EVL: variants seen among roughly 807,000 people sequenced by gnomAD.
The protein encoded by EVL is Enah/Vasp-like.
A neutral mutation model predicts 59.6 loss-of-function variants in EVL; 21 were observed. That is an observed-to-expected ratio of 0.35 (90% CI 0.25 to 0.51). EVL has a LOEUF of 0.51. EVL is among the 20% of genes least tolerant of loss of function. The pLI is 0.97. For missense variants in EVL, 462 were observed against 546.6 expected (o/e 0.85, Z 1.54); for synonymous variants, 198 against 203.5 (o/e 0.97, Z 0.23).
rs965005389 is a variant in EVL at position 100,108,469 on chromosome 14, GC to G, written c.358+10813del. ...AGGGGAACAGGACGGCAAGCCCCTGGCCTCCTGCCTGCTCCCAGCTGCCCTC... is the reference window on the plus strand; with the variant it reads ...AGGGGAACAGGACGGCAAGCCCCTGGCTCCTGCCTGCTCCCAGCTGCCCTC... On this transcript the variant is annotated intron_variant, in intron 3 of 13. Transcript: ENST00000392920. The surrounding 1 kb of genome is among the most constrained non-coding windows in gnomAD (Gnocchi z 4.1). 3.5e-4 allele frequency among the ~76,000 whole-genome samples: 53 copies of G among 152,164 alleles called. No individual in the cohort carries two copies. The highest frequency in any genetic ancestry group is 1.1e-3 in the African/African-American group (47 of 41,440).
intron 1 of EVL, among the ~76,000 whole-genome samples, chr14:100,000,004 G>T (rs1037558364): frequency 3.9e-5 from 6 of 152,112 alleles, no homozygotes; most frequent in Non-Finnish European, 8.8e-5. Context: ...TGGCATTTTT[G>T]GTTATTTCAC....
chr14:100,124,470 C>G (rs755076382), intron 4 of EVL, among the ~76,000 whole-genome samples: 8 of 152,230 alleles, frequency 5.3e-5, no homozygotes, highest in Non-Finnish European at 1.2e-4. Context: ...CTCCGTTTCC[C>G]GGTTTGAAGA....
In EVL at chr14:100,128,487, G is replaced by A. The variant is rs2140379233; in HGVS notation, c.488-32G>A. On this transcript the variant is annotated intron_variant, in intron 5 of 13. Coordinates refer to ENST00000392920, the MANE Select transcript of EVL (RefSeq NM_016337.3). Reference sequence around the variant, plus strand: ...CAGGCTTGGCCCCCAGCTGGGTGCTGGAGCTGGCTGAGCCTCACTGTTGTG... The same window carrying A: ...CAGGCTTGGCCCCCAGCTGGGTGCTAGAGCTGGCTGAGCCTCACTGTTGTG... 4.3e-6 allele frequency: 7 copies of A among 1,610,886 alleles called. No homozygotes were observed. The East Asian group carries it at 8.9e-5, about 21-fold the overall frequency.
In EVL at chr14:100,130,939, C is replaced by T. The variant is rs1428593219; in HGVS notation, c.839+1255C>T. 6.6e-6 allele frequency among the ~76,000 whole-genome samples: 1 copy of T among 152,190 alleles called. No individual in the cohort carries two copies. Among genetic ancestry groups the T allele is most frequent in the Non-Finnish European group, 1.5e-5 (1 of 68,038 alleles). On this transcript the variant is annotated intron_variant, in intron 7 of 13. Transcript: ENST00000392920. The surrounding 1 kb of genome is among the most constrained non-coding windows in gnomAD (Gnocchi z 4.8). ...AGGTGTGTGGGGCTTACAGTGGCCACACAAAGGCGAATGGCTCCGTGGGTG... is the reference window on the plus strand; with the variant it reads ...AGGTGTGTGGGGCTTACAGTGGCCATACAAAGGCGAATGGCTCCGTGGGTG...
chr14:100,036,726 A>G (rs1335886084), intron 1 of EVL, among the ~76,000 whole-genome samples: 1 of 152,214 alleles, frequency 6.6e-6, no homozygotes, highest in Non-Finnish European at 1.5e-5. Flanking sequence ...CAAAATTGTC[A>G]GACCACAGCT....
intron 1 of EVL, among the ~76,000 whole-genome samples, chr14:99,988,498 G>C (rs1247039204): frequency 6.6e-6 from 1 of 152,190 alleles, no homozygotes; most frequent in Non-Finnish European, 1.5e-5. Flanking sequence ...GTGTAAAATG[G>C]TGCAGCTGCT....
chr14:100,129,696 C>T lies in EVL; in HGVS notation c.839+12C>T. ...CTGCTGGCCAAGAGGTGGGTCTCTA[C>T]ACCTCCCGAGACTTGGTGTGCCTAG... On this transcript the variant is annotated intron_variant, in intron 7 of 13. Transcript: ENST00000392920. 1 of 1,551,084 alleles carries T rather than the reference C, an allele frequency of 6.4e-7. No homozygotes were observed. The highest frequency in any genetic ancestry group is 1.9e-5 in the Admixed American group (1 of 51,554).
intron 1 of EVL, among the ~76,000 whole-genome samples, chr14:100,042,541 C>A (rs1482494000): frequency 6.6e-6 from 1 of 152,164 alleles, no homozygotes; most frequent in African/African-American, 2.4e-5. Context: ...CATCTCTGGG[C>A]CCTGGGCCCA....
chr14:100,068,522 A>G (rs1057113733), intron 1 of EVL, among the ~76,000 whole-genome samples: 2 of 152,190 alleles, frequency 1.3e-5, no homozygotes, highest in African/African-American at 4.8e-5. Flanking sequence ...GCAGTGTGGC[A>G]AGAATGGAGG....
At chr14:100,132,406 G>A (rs911536457) in intron 7 of EVL, among the ~76,000 whole-genome samples, 1 of 152,056 alleles carries the variant, frequency 6.6e-6, no homozygotes, top group Non-Finnish European at 1.5e-5. Flanking sequence ...GACAGAGCGT[G>A]CCCGCCTCCC....
At chr14:100,104,137 G>A (rs543852292) in intron 3 of EVL, among the ~76,000 whole-genome samples, 3 of 152,288 alleles carry the variant, frequency 2.0e-5, no homozygotes, top group African/African-American at 7.2e-5. Context: ...AATAGTTGCT[G>A]TCTTTTTAAA....
chr14:100,097,163 G>A, intron 2 of EVL: 1 of 224,268 alleles, frequency 4.5e-6, no homozygotes, highest in Non-Finnish European at 8.8e-6. Flanking sequence ...CCAGCAAAGT[G>A]CAGTGACTGC....
intron 1 of EVL, among the ~76,000 whole-genome samples, chr14:100,079,458 G>A (rs2062243085): frequency 6.6e-6 from 1 of 152,174 alleles, no homozygotes; most frequent in African/African-American, 2.4e-5. Flanking sequence ...GGAGCTCACA[G>A]GCTGGTGGTG....
At chr14:100,065,369 C>A, upstream of EVL, 1 of 1,001,068 alleles carries the variant, frequency 1.0e-6, no homozygotes, top group Non-Finnish European at 1.3e-6. Context: ...CTTCCTTTTC[C>A]TGTTTGGTTT....
intron 1 of EVL, among the ~76,000 whole-genome samples, chr14:99,975,949 C>G (rs1436994027): frequency 6.6e-6 from 1 of 152,162 alleles, no homozygotes; most frequent in Non-Finnish European, 1.5e-5. Flanking sequence ...ATCACCCCTC[C>G]TCTGCTGTAT....
intron 1 of EVL, among the ~76,000 whole-genome samples, chr14:100,048,950 A>T (rs2061601552): frequency 6.6e-6 from 1 of 152,168 alleles, no homozygotes; most frequent in African/African-American, 2.4e-5. Flanking sequence ...GGCGGATATG[A>T]CTACAAAGGG....
At chr14:100,142,765 G>A (rs1004189918) in intron 13 of EVL, among the ~76,000 whole-genome samples, 2 of 152,198 alleles carry the variant, frequency 1.3e-5, no homozygotes, top group African/African-American at 4.8e-5. Context: ...CAAATGAGGG[G>A]AATGAGGCAG....
intron 1 of EVL, among the ~76,000 whole-genome samples, chr14:100,058,890 G>A (rs891685935): frequency 6.6e-6 from 1 of 152,094 alleles, no homozygotes; most frequent in Admixed American, 6.6e-5. Context: ...TAATTGGAGT[G>A]CCAAAAGGTT....
At chr14:100,024,825 C>A (rs1175191260) in intron 1 of EVL, among the ~76,000 whole-genome samples, 5 of 152,096 alleles carry the variant, frequency 3.3e-5, no homozygotes. Flanking sequence ...TTCTCCAGCT[C>A]TTTCCTGTCC....
Sources: allele counts gnomAD v4.1 joint callset (sites outside exome capture counted in the v4.1 genomes callset), GRCh38; gene constraint gnomAD v4.1.1; non-coding constraint Gnocchi (gnomAD v3.1); transcripts MANE v1.5; gene names NCBI Gene and HGNC (gene_info 2026-07-23, HGNC 2026-07-21).